The following PDIA5 variants were observed in gnomAD, a reference collection of about 807,000 sequenced individuals.
PDIA5 encodes protein disulfide isomerase family A member 5.
A neutral mutation model predicts 77.6 loss-of-function variants in PDIA5; 58 were observed. The ratio of observed to expected loss-of-function variants is 0.75; its 90% CI spans 0.61 to 0.93. The LOEUF (loss-of-function observed/expected upper bound fraction) is 0.93, where lower values mean the gene tolerates loss of function less well. Among genes scored for constraint, PDIA5 ranks in the 40% least tolerant of loss-of-function variants. The pLI is 0.00. For missense variants in PDIA5, 630 were observed against 647.7 expected (o/e 0.97, Z 0.30); for synonymous variants, 250 against 252.1 (o/e 0.99, Z 0.08).
intron 2 of PDIA5, among the ~76,000 whole-genome samples, chr3:123,090,596 C>T (rs1421295449): frequency 6.6e-6 from 1 of 152,180 alleles, no homozygotes; most frequent in Non-Finnish European, 1.5e-5. Flanking sequence ...GTCCCCTATG[C>T]CCCGCTGTCT....
At chr3:123,083,303 T>C (rs1934059919) in intron 1 of PDIA5, among the ~76,000 whole-genome samples, 1 of 152,130 alleles carries the variant, frequency 6.6e-6, no homozygotes, top group African/African-American at 2.4e-5. Flanking sequence ...TGGCTGATAA[T>C]AGGCAGGACC....
At chr3:123,112,951 G>A (rs568761434) in intron 7 of PDIA5, among the ~76,000 whole-genome samples, 1 of 152,292 alleles carries the variant, frequency 6.6e-6, no homozygotes, top group East Asian at 1.9e-4. Flanking sequence ...TTACCTTTGG[G>A]ATGAGGCCCT....
chr3:123,103,091 G>A (rs1934643523), intron 5 of PDIA5, among the ~76,000 whole-genome samples: 1 of 152,198 alleles, frequency 6.6e-6, no homozygotes, highest in Admixed American at 6.5e-5. Context: ...TCATTTCGTT[G>A]TAGCTTCAAA....
At chr3:123,128,214 G>C (rs1029621556) in intron 10 of PDIA5, among the ~76,000 whole-genome samples, 11 of 152,340 alleles carry the variant, frequency 7.2e-5, no homozygotes. Context: ...GGGCCCCTGG[G>C]CCCTTCAGAG....
intron 8 of PDIA5, among the ~76,000 whole-genome samples, chr3:123,123,815 C>G (rs1935174324): frequency 6.6e-6 from 1 of 152,236 alleles, no homozygotes. Context: ...GTGGTTCTTC[C>G]TGCAGGGAGG....
chr3:123,104,488 C>T (rs1934684402), intron 5 of PDIA5, among the ~76,000 whole-genome samples: 1 of 152,276 alleles, frequency 6.6e-6, no homozygotes, highest in African/African-American at 2.4e-5. Context: ...CCATCACCTG[C>T]AGGCCCATGT....
chr3:123,108,730 A>G (rs1342115517), intron 6 of PDIA5, among the ~76,000 whole-genome samples: 1 of 151,824 alleles, frequency 6.6e-6, no homozygotes, highest in Non-Finnish European at 1.5e-5. Context: ...TACTAAAGAT[A>G]AAAAAATTAG....
intron 11 of PDIA5, among the ~76,000 whole-genome samples, chr3:123,138,736 T>C (rs1410733789): frequency 4.6e-5 from 7 of 152,156 alleles, no homozygotes; most frequent in African/African-American, 1.7e-4. Flanking sequence ...AAAAGAGCTC[T>C]GAGGTCTCTG....
chr3:123,149,158 G>GAGGA (rs1009923744), intron 13 of PDIA5, among the ~76,000 whole-genome samples: 3 of 152,260 alleles, frequency 2.0e-5, no homozygotes, highest in Non-Finnish European at 4.4e-5. Flanking sequence ...GATTTGGGAG[G>GAGGA]AGGAGGGAAG....
intron 11 of PDIA5, among the ~76,000 whole-genome samples, chr3:123,133,976 T>TCTTTTCTTTTCTTTTC (rs1560543065): frequency 2.7e-5 from 4 of 148,960 alleles, no homozygotes; most frequent in Non-Finnish European, 4.5e-5. Flanking sequence ...TGTTTTCTTT[T>TCTTTTCTTTTCTTTTC]CTTTTCTTTT....
intron 7 of PDIA5, among the ~76,000 whole-genome samples, chr3:123,115,039 G>T (rs1934963015): frequency 6.6e-6 from 1 of 152,146 alleles, no homozygotes; most frequent in Non-Finnish European, 1.5e-5. Context: ...TGGCCTTCTG[G>T]CTTCACGGCC....
intron 14 of PDIA5, among the ~76,000 whole-genome samples, chr3:123,151,874 C>T (rs2667456): frequency 0.58 from 58,456 of 100,718 alleles, 14,214 homozygotes; most frequent in East Asian, 0.62. Context: ...CCTTCCTGCC[C>T]GCCTTCCTGC....
chr3:123,121,217 G>A (rs369330139), intron 8 of PDIA5, among the ~76,000 whole-genome samples: 2 of 152,106 alleles, frequency 1.3e-5, no homozygotes, highest in African/African-American at 2.4e-5. Context: ...TCCCCATCCC[G>A]GGACGTCTGT....
intron 1 of PDIA5, among the ~76,000 whole-genome samples, chr3:123,068,381 T>TG (rs957847657): frequency 5.3e-5 from 8 of 152,122 alleles, no homozygotes; most frequent in Admixed American, 3.9e-4. Context: ...TGGAAGTGGG[T>TG]GGGGAAAGAA....
At chr3:123,085,693 C>T (rs1934121251) in intron 1 of PDIA5, among the ~76,000 whole-genome samples, 2 of 152,186 alleles carry the variant, frequency 1.3e-5, no homozygotes, top group South Asian at 4.1e-4. Context: ...CTCCTGCCTT[C>T]CCCTTTCCTT....
intron 1 of PDIA5, among the ~76,000 whole-genome samples, chr3:123,078,928 T>A (rs958624646): frequency 6.6e-6 from 1 of 152,232 alleles, no homozygotes; most frequent in Non-Finnish European, 1.5e-5. Context: ...GTTTCTGCCA[T>A]GTTTTCCCAC....
At chr3:123,161,565 G>A in intron 16 of PDIA5, 110 bp downstream of exon 16, 1 of 1,206,670 alleles carries the variant, frequency 8.3e-7, no homozygotes, top group Non-Finnish European at 1.2e-6. Context: ...GCAGAAGTCA[G>A]CTGGAACACT....
chr3:123,135,370 TC>T (rs1935474178), intron 11 of PDIA5, among the ~76,000 whole-genome samples: 1 of 152,124 alleles, frequency 6.6e-6, no homozygotes, highest in Non-Finnish European at 1.5e-5. Flanking sequence ...GTTCTGGGGA[TC>T]CTGAGGACCC....
intron 2 of PDIA5, among the ~76,000 whole-genome samples, chr3:123,091,136 G>T (rs918013367): frequency 6.6e-6 from 1 of 152,046 alleles, no homozygotes; most frequent in Non-Finnish European, 1.5e-5. Flanking sequence ...CACATCAGTG[G>T]CTCGCCCTCC....
Sources: gnomAD v4.1 joint callset for allele counts (sites outside exome capture counted in the v4.1 genomes callset) on GRCh38, gnomAD v4.1.1 for gene constraint, MANE v1.5 for transcripts, NCBI Gene and HGNC (gene_info 2026-07-23, HGNC 2026-07-21) for gene names.